Variants in FADS3 observed in about 807,000 individuals in gnomAD.
FADS3 encodes the protein cytochrome b5-related protein.
In FADS3, 30 loss-of-function variants were observed where a neutral mutation model predicts 60.4. The ratio of observed to expected loss-of-function variants is 0.50; its 90% CI spans 0.37 to 0.67. The LOEUF (loss-of-function observed/expected upper bound fraction) is 0.67, where lower values mean the gene tolerates loss of function less well. Ranked by LOEUF, FADS3 falls within the 30% of genes least tolerant of loss-of-function variation. The pLI is 0.00. For missense variants in FADS3, 432 were observed against 598.3 expected (o/e 0.72, Z 2.90); for synonymous variants, 234 against 249.3 (o/e 0.94, Z 0.58).
At chr11:61,879,635 A>G (rs1381042081) in intron 2 of FADS3, 126 bp from the exon 3 acceptor site, 3 of 912,406 alleles carry the variant, frequency 3.3e-6, no homozygotes, top group African/African-American at 1.6e-5. Context: ...TGAAGTGACA[A>G]GAGTACCCAG....
chr11:61,888,300 G>A (rs921390663), intron 1 of FADS3, among the ~76,000 whole-genome samples: 1 of 152,252 alleles, frequency 6.6e-6, no homozygotes, highest in African/African-American at 2.4e-5. Flanking sequence ...AGAGGTGACC[G>A]CTGGAACACA....
rs755444897 is a variant in FADS3, at chr11:61,876,769, G to A, written c.983+97C>T. The A allele has an allele frequency of 3.1e-6, 3 of 966,986 alleles. No individual in the cohort carries two copies. Among genetic ancestry groups the A allele is most frequent in the Middle Eastern group, 2.0e-4 (1 of 4,882 alleles). The allele number at this position is 966,986 out of a possible 1,614,324, so 59.9% of individuals were successfully genotyped here. A position where few individuals can be genotyped will look rare whatever the true frequency, so the allele number is the denominator to read the frequency against. Reference sequence around the variant, plus strand: ...AGCAAGCCAGGGAGGCAGTACCACTGGCCCCATTCTGCAGACGGGAAAAGG... The same window carrying A: ...AGCAAGCCAGGGAGGCAGTACCACTAGCCCCATTCTGCAGACGGGAAAAGG... On this transcript the variant is annotated intron_variant, in intron 8 of 11. Transcript: ENST00000278829. This position sits in a 1 kb window ranked among gnomAD's most constrained non-coding sequence, Gnocchi z 5.7.
rs930271678 is a variant in FADS3 at position 61,873,619 on chromosome 11, C to T, written c.*195G>A. ...ATGCTCACCTTCCCTCTACCCCTGT[C>T]CCATCAGGCCCAGAGCCAAGGCCAT... On this transcript the variant is annotated 3_prime_UTR_variant, in exon 12 of 12. Transcript: ENST00000278829. 3.6e-5 allele frequency: 22 copies of T among 604,696 alleles called. No individual in the cohort carries two copies. Among genetic ancestry groups the T allele is most frequent in the Non-Finnish European group, 5.9e-5 (20 of 336,948 alleles). 37.5% of individuals were successfully genotyped at this position (604,696 alleles called of 1,614,324 possible).
At position 61,873,685 on chromosome 11, in the gene FADS3, C is replaced by A. The variant is rs984341728; in HGVS notation, c.*129G>T. ...ACATGTGAGGGGGCCGAGGGGAAGA[C>A]AACAGTACCAGGAGGGCAGGCAGGG... On this transcript the variant is annotated 3_prime_UTR_variant, in exon 12 of 12. Coordinates refer to ENST00000278829, the MANE Select transcript of FADS3 (RefSeq NM_021727.5). 4 of 721,246 alleles carry A rather than the reference C, an allele frequency of 5.5e-6. No individual in the cohort carries two copies. In the South Asian group the frequency reaches 6.2e-5, roughly 11 times the overall value. The allele number at this position is 721,246 out of a possible 1,614,324, so 44.7% of individuals were successfully genotyped here.
intron 1 of FADS3, among the ~76,000 whole-genome samples, chr11:61,883,371 G>T (rs1333974229): frequency 2.6e-5 from 4 of 152,144 alleles, no homozygotes; most frequent in Admixed American, 2.6e-4. Flanking sequence ...GTTGCAGCAC[G>T]TGTCAGGATG....
chr11:61,877,008 CG>C lies in FADS3; in HGVS notation c.886-46del, dbSNP rs762394042. Reference sequence around the variant, plus strand: ...CGATACCGAGAGGTCTCCAGGTGCCCGGAGGTCTGGAGGCCTGGTGGGTGGG... The same window carrying C: ...CGATACCGAGAGGTCTCCAGGTGCCCGAGGTCTGGAGGCCTGGTGGGTGGG... On this transcript the variant is annotated intron_variant, in intron 7 of 11. Coordinates refer to ENST00000278829, the MANE Select transcript of FADS3 (RefSeq NM_021727.5). The surrounding 1 kb of genome is among the most constrained non-coding windows in gnomAD (Gnocchi z 4.7). 7.0e-7 allele frequency: 1 copy of C among 1,438,052 alleles called. No individual in the cohort carries two copies. The highest frequency in any genetic ancestry group is 1.3e-5 in the South Asian group (1 of 76,222). The allele number at this position is 1,438,052 out of a possible 1,614,324, so 89.1% of individuals were successfully genotyped here. A position where few individuals can be genotyped will look rare whatever the true frequency, so the allele number is the denominator to read the frequency against.
rs1937883666 is a variant in FADS3 at position 61,876,337 on chromosome 11, G to A, written c.1080+22C>T. On this transcript the variant is annotated intron_variant, in intron 9 of 11. Transcript: ENST00000278829. The surrounding 1 kb of genome is among the most constrained non-coding windows in gnomAD (Gnocchi z 5.7). ...TGGGACCCCCCACCCCACCCAGGAT[G>A]GGCCCCACCCCTGCTGCCCACCTGA... 1 of 1,524,660 alleles carries A rather than the reference G, an allele frequency of 6.6e-7. No homozygotes were observed. Among genetic ancestry groups the A allele is most frequent in the Admixed American group, 1.7e-5 (1 of 59,856 alleles). The allele number at this position is 1,524,660 out of a possible 1,614,324, so 94.4% of individuals were successfully genotyped here.
chr11:61,887,444 C>T (rs1458076775), intron 1 of FADS3, among the ~76,000 whole-genome samples: 2 of 152,174 alleles, frequency 1.3e-5, no homozygotes, highest in Non-Finnish European at 2.9e-5. Flanking sequence ...GTCCATCAGA[C>T]TCCCCAGGCT....
At chr11:61,878,405 G>T in intron 5 of FADS3, 107 bp downstream of exon 5, 1 of 1,499,336 alleles carries the variant, frequency 6.7e-7, no homozygotes, top group Non-Finnish European at 9.1e-7. Flanking sequence ...CAGCCAGAGT[G>T]GAGGCCAGAT....
rs1464759520 is a variant in FADS3, at chr11:61,876,159, A to T, written c.1112T>A (p.Leu371His). The change falls in exon 10 of 12, where the codon CTT (leucine) becomes CAT (histidine). Residue 371 changes from leucine to histidine, a missense_variant. Leu to His is a moderately conservative substitution (Grantham distance 99, BLOSUM62 -3). Coordinates refer to ENST00000278829, the MANE Select transcript of FADS3 (RefSeq NM_021727.5). The surrounding 1 kb of genome is among the most constrained non-coding windows in gnomAD (Gnocchi z 5.7). ...LAATCNVEPS[L>H]FTNWFSGHLN... Reference sequence around the variant, plus strand: ...GTGCCCGCTGAACCAGTTGGTGAAAAGTGAGGGCTCCACGTTGCAGGTGGC... The same window carrying T: ...GTGCCCGCTGAACCAGTTGGTGAAATGTGAGGGCTCCACGTTGCAGGTGGC... 1 of 1,608,098 alleles carries T rather than the reference A, an allele frequency of 6.2e-7. No homozygotes were observed. Among genetic ancestry groups the T allele is most frequent in the Admixed American group, 1.7e-5 (1 of 59,154 alleles).
chr11:61,873,721 C>A lies in FADS3; in HGVS notation c.*93G>T. The A allele has an allele frequency of 2.3e-6, 2 of 865,792 alleles. No individual in the cohort carries two copies. Among genetic ancestry groups the A allele is most frequent in the Non-Finnish European group, 3.8e-6 (2 of 521,958 alleles). 53.6% of individuals were successfully genotyped at this position (865,792 alleles called of 1,614,324 possible). A position where few individuals can be genotyped will look rare whatever the true frequency, so the allele number is the denominator to read the frequency against. On this transcript the variant is annotated 3_prime_UTR_variant, in exon 12 of 12. Transcript: ENST00000278829. ...GGAGGGCAGGCAGGGCACCCCCAGGCTGGCCAGTGGAGGGGTGAGGGTATC... is the reference window on the plus strand; with the variant it reads ...GGAGGGCAGGCAGGGCACCCCCAGGATGGCCAGTGGAGGGGTGAGGGTATC...
chr11:61,878,657 C>T (rs1938008339), intron 4 of FADS3, 23 bp from the exon 5 acceptor site: 1 of 1,613,466 alleles, frequency 6.2e-7, no homozygotes, highest in Non-Finnish European at 8.5e-7. Flanking sequence ...AGGGGGCTCT[C>T]AGGGCAGGCT....
intron 2 of FADS3, 85 bp from the exon 3 acceptor site, chr11:61,879,594 G>T: frequency 7.5e-7 from 1 of 1,335,424 alleles, no homozygotes; most frequent in Non-Finnish European, 1.0e-6. Context: ...TCCTCCCATC[G>T]CCAGGCCCAA....
chr11:61,874,742 C>T (rs1236814250), intron 11 of FADS3, among the ~76,000 whole-genome samples: 1 of 152,156 alleles, frequency 6.6e-6, no homozygotes, highest in African/African-American at 2.4e-5. Flanking sequence ...TCCTCCCTGT[C>T]CCTGCTCACA....
chr11:61,886,709 C>T (rs1003030727), intron 1 of FADS3, among the ~76,000 whole-genome samples: 2 of 152,200 alleles, frequency 1.3e-5, no homozygotes, highest in African/African-American at 4.8e-5. Flanking sequence ...TCAGTCTCCT[C>T]ATCTACAAAA....
intron 1 of FADS3, among the ~76,000 whole-genome samples, chr11:61,886,100 C>T (rs1026090881): frequency 2.0e-5 from 3 of 152,224 alleles, no homozygotes; most frequent in South Asian, 2.1e-4. Context: ...AAAAGCTACC[C>T]CTGTCCCCCA....
chr11:61,881,408 T>G (rs1212438002), intron 1 of FADS3: 1 of 152,224 alleles, frequency 6.6e-6, no homozygotes, highest in African/African-American at 2.4e-5. Flanking sequence ...GGTCTTGGTA[T>G]TGTAATCGGC....
chr11:61,874,982 G>A (rs1373455426), intron 11 of FADS3, among the ~76,000 whole-genome samples: 1 of 152,174 alleles, frequency 6.6e-6, no homozygotes, highest in Non-Finnish European at 1.5e-5. Context: ...TTGCTACAAG[G>A]GCAATGCCAT....
chr11:61,879,576 C>G, intron 2 of FADS3, 67 bp from the exon 3 acceptor site: 1 of 1,450,866 alleles, frequency 6.9e-7, no homozygotes. Flanking sequence ...TCCTGGAGCC[C>G]CAGCCGCTCC....
Sources: allele counts gnomAD v4.1 joint callset (sites outside exome capture counted in the v4.1 genomes callset), GRCh38; gene constraint gnomAD v4.1.1; non-coding constraint Gnocchi (gnomAD v3.1); transcripts MANE v1.5; gene names NCBI Gene and HGNC (gene_info 2026-07-23, HGNC 2026-07-21).